Variants in DPT observed in about 807,000 individuals in gnomAD.
DPT encodes the protein tyrosine-rich acidic matrix protein.
DPT carries 21 observed loss-of-function variants against 31.2 expected under a neutral mutation model. The observed-to-expected ratio is 0.67, with a 90% CI of 0.48 to 0.97. The LOEUF is 0.97. Among genes scored for constraint, DPT ranks in the 50% least tolerant of loss-of-function variants. The pLI is 0.00. For missense variants in DPT, 262 were observed against 258.8 expected, an observed-to-expected ratio of 1.01 and a Z score of -0.08; for synonymous variants, 91 against 86.9, an observed-to-expected ratio of 1.05 and a Z score of -0.26.
At chr1:168,701,164 A>G (rs763230864) in intron 2 of DPT, 40 bp from the exon 3 acceptor site, 4 of 1,451,694 alleles carry the variant, frequency 2.8e-6, no homozygotes, top group South Asian at 1.1e-5. Flanking sequence ...AATGAAACAC[A>G]TTATTATTGC....
intron 3 of DPT, among the ~76,000 whole-genome samples, chr1:168,699,727 G>A (rs1312065755): frequency 1.3e-5 from 2 of 152,018 alleles, no homozygotes; most frequent in Non-Finnish European, 2.9e-5. Flanking sequence ...ACTATCTAAT[G>A]AGTTAATGTA....
Position 168,696,511 on chromosome 1 carries a change from G to A in DPT, c.*38C>T, listed in dbSNP as rs1572622107. 6.3e-7 allele frequency: 1 copy of A among 1,587,086 alleles called. No individual in the cohort carries two copies. The highest frequency in any genetic ancestry group is 1.1e-5 in the South Asian group (1 of 89,732). ...ATATGTGGACACCCTCCTGTCCCCG[G>A]CCCCTTTCCTTTCACCCAGATTTGG... is the stretch of plus-strand genomic sequence containing the variant. On this transcript the variant is annotated 3_prime_UTR_variant, in exon 4 of 4. Coordinates refer to ENST00000367817, the MANE Select transcript of DPT (RefSeq NM_001937.5).
At chr1:168,714,125 TG>T in intron 2 of DPT, 95 bp downstream of exon 2, 1 of 1,543,630 alleles carries the variant, frequency 6.5e-7, no homozygotes, top group Non-Finnish European at 8.8e-7. Context: ...CTTCCAGGCT[TG>T]TGTGTGACCC....
intron 2 of DPT, among the ~76,000 whole-genome samples, chr1:168,708,483 C>T (rs1293463048): frequency 2.0e-5 from 3 of 152,182 alleles, no homozygotes; most frequent in Non-Finnish European, 2.9e-5. Flanking sequence ...GACATCTAGT[C>T]CAATTTCCTC....
intron 1 of DPT, among the ~76,000 whole-genome samples, chr1:168,718,486 C>A (rs544773008): frequency 1.8e-4 from 28 of 152,236 alleles, no homozygotes; most frequent in Non-Finnish European, 4.1e-4. Flanking sequence ...CCTCCTCCGG[C>A]TTTGGTTTGA....
intron 2 of DPT, among the ~76,000 whole-genome samples, chr1:168,704,966 G>T (rs1649685827): frequency 1.3e-5 from 2 of 152,096 alleles, no homozygotes; most frequent in African/African-American, 4.8e-5. Flanking sequence ...AGATGTCTCG[G>T]CTCCGTTGCC....
intron 3 of DPT, among the ~76,000 whole-genome samples, chr1:168,700,216 C>T (rs1649563713): frequency 6.6e-6 from 1 of 152,034 alleles, no homozygotes; most frequent in Admixed American, 6.6e-5. Context: ...GATTAGTGCC[C>T]ATATAAAATA....
At chr1:168,722,345 T>C (rs1042490045) in intron 1 of DPT, among the ~76,000 whole-genome samples, 2 of 152,244 alleles carry the variant, frequency 1.3e-5, no homozygotes, top group African/African-American at 4.8e-5. Context: ...ATGATATATT[T>C]CAGAGGCTCT....
chr1:168,727,338 G>A (rs1257438590), intron 1 of DPT, among the ~76,000 whole-genome samples: 6 of 152,070 alleles, frequency 3.9e-5, no homozygotes, highest in African/African-American at 1.2e-4. Flanking sequence ...AGCATTACAC[G>A]AGATGATCCA....
chr1:168,701,732 G>C (rs1188323224), intron 2 of DPT, among the ~76,000 whole-genome samples: 2 of 152,244 alleles, frequency 1.3e-5, no homozygotes, highest in South Asian at 2.1e-4. Context: ...TAGAGTTTTT[G>C]CCTTGTCCAC....
At chr1:168,717,911 GC>G (rs897261902) in intron 1 of DPT, among the ~76,000 whole-genome samples, 1 of 152,214 alleles carries the variant, frequency 6.6e-6, no homozygotes, top group African/African-American at 2.4e-5. Context: ...TGGAAAGGTA[GC>G]TTTAGGGGCT....
intron 3 of DPT, among the ~76,000 whole-genome samples, chr1:168,698,255 G>A (rs1649508478): frequency 1.3e-5 from 2 of 152,132 alleles, no homozygotes; most frequent in African/African-American, 4.8e-5. Flanking sequence ...TGGGTATAGA[G>A]TCCCTCAACA....
At chr1:168,699,706 C>A (rs1649547017) in intron 3 of DPT, among the ~76,000 whole-genome samples, 1 of 151,774 alleles carries the variant, frequency 6.6e-6, no homozygotes, top group Non-Finnish European at 1.5e-5. Flanking sequence ...CACTCAAATT[C>A]ATCATAGCAT....
In DPT at chr1:168,695,751, C is replaced by T. The variant is rs1165420898; in HGVS notation, c.*798G>A. 6.5e-6 allele frequency: 1 copy of T among 154,270 alleles called. No individual in the cohort carries two copies. The highest frequency in any genetic ancestry group is 2.4e-5 in the African/African-American group (1 of 41,578). The allele number at this position is 154,270 out of a possible 1,614,324, so 9.6% of individuals were successfully genotyped here. ...GTGACTCAAACTCCTTTTTCCACTT[C>T]CCAGTTCAACCTGGTCACTCTCATC... On this transcript the variant is annotated 3_prime_UTR_variant, in exon 4 of 4. Transcript: ENST00000367817.
intron 1 of DPT, among the ~76,000 whole-genome samples, chr1:168,726,994 C>T (rs367819122): frequency 1.5e-4 from 23 of 152,314 alleles, no homozygotes; most frequent in African/African-American, 5.1e-4. Flanking sequence ...TTCTACAGTC[C>T]GGCTGAGCCC....
chr1:168,707,633 A>G (rs1308826725), intron 2 of DPT, among the ~76,000 whole-genome samples: 6 of 152,174 alleles, frequency 3.9e-5, no homozygotes, highest in Non-Finnish European at 8.8e-5. Flanking sequence ...GGTTTCCATA[A>G]TCCCCACATG....
At position 168,726,138 on chromosome 1, in the gene DPT, G is replaced by A. The variant is rs546516334; in HGVS notation, c.305+2732C>T. On this transcript the variant is annotated intron_variant, in intron 1 of 3. Transcript: ENST00000367817. ...TTTCAACCCTGTGATTAGTAGACGG[G>A]GAGAAGGAGGCAACAGAGGGTGGAA... Among the ~76,000 whole-genome samples the A allele has an allele frequency of 2.0e-5, 3 of 152,138 alleles. No individual in the cohort carries two copies. In the South Asian group the frequency reaches 6.2e-4, roughly 31 times the overall value.
intron 1 of DPT, among the ~76,000 whole-genome samples, chr1:168,725,677 G>T (rs1261276343): frequency 1.3e-5 from 2 of 152,186 alleles, no homozygotes; most frequent in Admixed American, 6.5e-5. Context: ...ACTTGAAGAG[G>T]TGATTTTCAA....
chr1:168,728,033 A>G (rs1650289048), intron 1 of DPT, among the ~76,000 whole-genome samples: 1 of 152,188 alleles, frequency 6.6e-6, no homozygotes, highest in South Asian at 2.1e-4. Flanking sequence ...TCAGCCTAGC[A>G]GTCAGTGCCT....
Sources: allele counts gnomAD v4.1 joint callset (sites outside exome capture counted in the v4.1 genomes callset), GRCh38; gene constraint gnomAD v4.1.1; transcripts MANE v1.5; gene names NCBI Gene and HGNC (gene_info 2026-07-23, HGNC 2026-07-21).